Variants in TIMP3 observed in about 807,000 individuals in gnomAD.
The protein encoded by TIMP3 is TIMP metallopeptidase inhibitor 3, also known as metalloproteinase inhibitor 3.
TIMP3 carries 11 observed loss-of-function variants against 30.0 expected under a neutral mutation model. The observed-to-expected ratio is 0.37, with a 90% CI of 0.23 to 0.61. The LOEUF is 0.61. Ranked by LOEUF, TIMP3 falls within the 20% of genes least tolerant of loss-of-function variation. The pLI, the probability that TIMP3 is intolerant of heterozygous loss-of-function variation, is 0.70. For missense variants in TIMP3, 181 were observed against 276.8 expected (o/e 0.65, Z 2.45); for synonymous variants, 112 against 111.3 (o/e 1.01, Z -0.04).
intron 1 of TIMP3, among the ~76,000 whole-genome samples, chr22:32,813,670 T>C (rs2046977630): frequency 6.6e-6 from 1 of 151,718 alleles, no homozygotes; most frequent in Non-Finnish European, 1.5e-5. Context: ...CCAATTTTTT[T>C]TTTTTTGGCA....
chr22:32,813,741 C>T lies in TIMP3; in HGVS notation c.121+11619C>T, dbSNP rs1277163221. Among the ~76,000 whole-genome samples the T allele has an allele frequency of 2.6e-5, 4 of 151,880 alleles. No individual in the cohort carries two copies. In the East Asian group the frequency reaches 7.7e-4, roughly 29 times the overall value. ...GAGCACAGGTTCTGGAGTTAGACCA[C>T]TTGGCTCAAACCTTGGCCTCGTTCA... On this transcript the variant is annotated intron_variant, in intron 1 of 4. Transcript: ENST00000266085.
At chr22:32,855,634 G>C (rs1036871422) in intron 2 of TIMP3, among the ~76,000 whole-genome samples, 1 of 152,164 alleles carries the variant, frequency 6.6e-6, no homozygotes, top group Admixed American at 6.5e-5. Flanking sequence ...TATTAAAGGA[G>C]ATTTCTCAAC....
chr22:32,827,718 T>A (rs1341055530), intron 1 of TIMP3, among the ~76,000 whole-genome samples: 1 of 152,210 alleles, frequency 6.6e-6, no homozygotes, highest in African/African-American at 2.4e-5. Flanking sequence ...TCTTAATTCC[T>A]CAAGAAGCTC....
At chr22:32,855,667 G>A (rs1205465965) in intron 2 of TIMP3, among the ~76,000 whole-genome samples, 1 of 152,120 alleles carries the variant, frequency 6.6e-6, no homozygotes, top group African/African-American at 2.4e-5. Flanking sequence ...GACATTTGGG[G>A]CCGGATAATT....
intron 1 of TIMP3, among the ~76,000 whole-genome samples, chr22:32,845,700 C>T (rs1287315708): frequency 6.6e-6 from 1 of 152,176 alleles, no homozygotes; most frequent in African/African-American, 2.4e-5. Context: ...ATAAAGACAA[C>T]CTGTGTCCAG....
At chr22:32,824,312 A>G (rs2047340196) in intron 1 of TIMP3, among the ~76,000 whole-genome samples, 2 of 150,956 alleles carry the variant, frequency 1.3e-5, no homozygotes, top group South Asian at 4.2e-4. Context: ...ATCTCTCCAT[A>G]ACTCCACCTG....
chr22:32,850,966 G>A (rs1463739629), intron 2 of TIMP3, among the ~76,000 whole-genome samples: 1 of 152,164 alleles, frequency 6.6e-6, no homozygotes, highest in African/African-American at 2.4e-5. Flanking sequence ...GGAACCTGTT[G>A]CTTTGGATTC....
intron 1 of TIMP3, among the ~76,000 whole-genome samples, chr22:32,824,004 C>T (rs1045525579): frequency 7.9e-5 from 12 of 152,134 alleles, no homozygotes; most frequent in Non-Finnish European, 1.3e-4. Context: ...GCAGGCCAGG[C>T]GCGGTGACTC....
chr22:32,806,263 C>A lies in TIMP3; in HGVS notation c.121+4141C>A, dbSNP rs532942473. ...CTCTGACAGTTCTGTGTCCCTTTCA[C>A]AGTCCCTGGATAGATAAGGCTAGAA... On this transcript the variant is annotated intron_variant, in intron 1 of 4. Coordinates refer to ENST00000266085, the MANE Select transcript of TIMP3 (RefSeq NM_000362.5). 7.8e-4 allele frequency among the ~76,000 whole-genome samples: 119 copies of A among 152,254 alleles called. 2 individuals carry two copies. Among genetic ancestry groups the A allele is most frequent in the African/African-American group, 2.5e-3 (105 of 41,542 alleles).
chr22:32,826,700 C>G (rs1202437712), intron 1 of TIMP3, among the ~76,000 whole-genome samples: 1 of 152,162 alleles, frequency 6.6e-6, no homozygotes, highest in Admixed American at 6.5e-5. Flanking sequence ...CCTATTTGAG[C>G]TGGAATAAAA....
At chr22:32,822,190 T>C (rs1207911209) in intron 1 of TIMP3, among the ~76,000 whole-genome samples, 1 of 150,010 alleles carries the variant, frequency 6.7e-6, no homozygotes, top group Non-Finnish European at 1.5e-5. Context: ...TGGAGCTCTG[T>C]CTGTCTGTCC....
intron 1 of TIMP3, among the ~76,000 whole-genome samples, chr22:32,808,371 G>A (rs982760314): frequency 9.9e-5 from 15 of 152,198 alleles, no homozygotes; most frequent in Admixed American, 9.2e-4. Context: ...TTGGGTGAGA[G>A]CAGTGGGATG....
chr22:32,853,092 T>C (rs1474266325), intron 2 of TIMP3, among the ~76,000 whole-genome samples: 1 of 152,192 alleles, frequency 6.6e-6, no homozygotes, highest in Non-Finnish European at 1.5e-5. Flanking sequence ...CTTTAGTGGT[T>C]TGTCTAACCA....
At chr22:32,839,471 C>T (rs894128099) in intron 1 of TIMP3, among the ~76,000 whole-genome samples, 5 of 152,100 alleles carry the variant, frequency 3.3e-5, no homozygotes, top group African/African-American at 1.2e-4. Context: ...CTTAGAAACC[C>T]AGGTCACAGA....
In TIMP3 at chr22:32,801,847, C is replaced by T. The variant is rs1181803446; in HGVS notation, c.-155C>T. 6 of 986,802 alleles carry T rather than the reference C, an allele frequency of 6.1e-6. No homozygotes were observed. Among genetic ancestry groups the T allele is most frequent in the Non-Finnish European group, 7.8e-6 (6 of 772,262 alleles). The allele number at this position is 986,802 out of a possible 1,614,324, so 61.1% of individuals were successfully genotyped here. ...CAGCCTCGCTGCGCCCCATCCCGTC[C>T]CGCCGGGCACTCGGAGGGCAGCGCG... On this transcript the variant is annotated 5_prime_UTR_variant, in exon 1 of 5. Coordinates refer to ENST00000266085, the MANE Select transcript of TIMP3 (RefSeq NM_000362.5). The surrounding 1 kb of genome is among the most constrained non-coding windows in gnomAD (Gnocchi z 4.7).
chr22:32,807,525 A>G lies in TIMP3; in HGVS notation c.121+5403A>G, dbSNP rs977178084. On this transcript the variant is annotated intron_variant, in intron 1 of 4. Coordinates refer to ENST00000266085, the MANE Select transcript of TIMP3 (RefSeq NM_000362.5). ...TTACTATGTGCCAGGCATTATTCTA[A>G]GTCATTAACTTACATTAACTCATTT... Among the ~76,000 whole-genome samples, 8 of 147,490 alleles carry G rather than the reference A, an allele frequency of 5.4e-5. No homozygotes were observed. The East Asian group carries it at 5.9e-4, about 11-fold the overall frequency.
intron 1 of TIMP3, among the ~76,000 whole-genome samples, chr22:32,806,032 C>T (rs1161065710): frequency 6.6e-6 from 1 of 151,698 alleles, no homozygotes; most frequent in Non-Finnish European, 1.5e-5. Context: ...ACCATCAAGC[C>T]ACAGTAATAA....
chr22:32,853,736 T>C (rs899361871), intron 2 of TIMP3, among the ~76,000 whole-genome samples: 2 of 152,214 alleles, frequency 1.3e-5, no homozygotes, highest in African/African-American at 4.8e-5. Flanking sequence ...CCTTACGAAT[T>C]TCAGTATAAC....
intron 1 of TIMP3, among the ~76,000 whole-genome samples, chr22:32,803,106 C>T (rs1034583418): frequency 6.6e-6 from 1 of 152,120 alleles, no homozygotes; most frequent in Non-Finnish European, 1.5e-5. Context: ...CTCTCTCCTC[C>T]TTTCCAGCCC....
Sources: allele counts gnomAD v4.1 joint callset (sites outside exome capture counted in the v4.1 genomes callset), GRCh38; gene constraint gnomAD v4.1.1; non-coding constraint Gnocchi (gnomAD v3.1); transcripts MANE v1.5; gene names NCBI Gene and HGNC (gene_info 2026-07-23, HGNC 2026-07-21).